Variants in SUN1 observed in about 807,000 individuals in gnomAD.
The protein encoded by SUN1 is SUN domain-containing protein 1.
In SUN1, 61 loss-of-function variants were observed where a neutral mutation model predicts 103.2. The ratio of observed to expected loss-of-function variants is 0.59; its 90% CI spans 0.48 to 0.73. The LOEUF is 0.73. Among genes scored for constraint, SUN1 ranks in the 30% least tolerant of loss-of-function variants. The pLI, the probability that SUN1 is intolerant of heterozygous loss-of-function variation, is 0.00. For missense variants in SUN1, 1,052 were observed against 1,034.6 expected (o/e 1.02, Z -0.23); for synonymous variants, 490 against 425.7 (o/e 1.15, Z -1.86).
chr7:839,142 G>A (rs1035056413), intron 2 of SUN1, 156 bp downstream of exon 2: 2 of 634,006 alleles, frequency 3.2e-6, no homozygotes. Flanking sequence ...ATATAAAGTG[G>A]TAGTTTGCTG....
intron 3 of SUN1, 152 bp from the exon 4 acceptor site, chr7:843,054 C>G: frequency 9.1e-7 from 1 of 1,102,014 alleles, no homozygotes; most frequent in South Asian, 1.4e-5. Flanking sequence ...CTGCATATAT[C>G]TGGAGGCATT....
intron 5 of SUN1, 23 bp downstream of exon 5, chr7:843,543 TC>T: frequency 6.2e-7 from 1 of 1,613,860 alleles, no homozygotes; most frequent in Non-Finnish European, 8.5e-7. Context: ...CCTTTAAAAC[TC>T]AGAAAAAGGT....
chr7:849,334 G>C (rs551186943), intron 5 of SUN1, among the ~76,000 whole-genome samples: 1 of 152,232 alleles, frequency 6.6e-6, no homozygotes, highest in Admixed American at 6.5e-5. Context: ...GCCCTTTCAC[G>C]TCTCTTCTCG....
At chr7:840,944 A>C (rs1488755381) in intron 2 of SUN1, among the ~76,000 whole-genome samples, 5 of 148,544 alleles carry the variant, frequency 3.4e-5, no homozygotes, top group African/African-American at 1.0e-4. Flanking sequence ...CCTGGCCCTT[A>C]TATTTTGAGA....
intron 1 of SUN1, among the ~76,000 whole-genome samples, chr7:825,952 A>G (rs1259915972): frequency 6.6e-6 from 1 of 152,136 alleles, no homozygotes; most frequent in Non-Finnish European, 1.5e-5. Context: ...GGACTTAAGA[A>G]ACAAACCGGG....
chr7:853,124 T>C (rs774548784), intron 9 of SUN1, 172 bp downstream of exon 9: 5 of 904,298 alleles, frequency 5.5e-6, no homozygotes, highest in Non-Finnish European at 8.1e-6. Context: ...ATAGTTCAAA[T>C]GCACATTTAA....
chr7:830,860 TGCTCG>T (rs1468053666), upstream of SUN1: 4 of 792,726 alleles, frequency 5.0e-6, no homozygotes, highest in Non-Finnish European at 6.1e-6. Flanking sequence ...TTTGGGTTGT[TGCTCG>T]GCAGTGCAGG....
chr7:849,385 A>T, intron 5 of SUN1: 1 of 560,982 alleles, frequency 1.8e-6, no homozygotes, highest in Non-Finnish European at 3.0e-6. Flanking sequence ...GTGTGGTAGG[A>T]GCCATCGGCT....
At chr7:839,144 A>T (rs1806480670) in intron 2 of SUN1, 158 bp downstream of exon 2, 1 of 626,072 alleles carries the variant, frequency 1.6e-6, no homozygotes, top group Non-Finnish European at 2.4e-6. Context: ...ATAAAGTGGT[A>T]GTTTGCTGCA....
upstream of SUN1, among the ~76,000 whole-genome samples, chr7:829,812 C>T (rs1796312453): frequency 6.6e-6 from 1 of 152,156 alleles, no homozygotes; most frequent in Non-Finnish European, 1.5e-5. Flanking sequence ...CCTCGGCCTC[C>T]CAAAGTGCTG....
chr7:865,683 T>C (rs1835908910), intron 15 of SUN1, among the ~76,000 whole-genome samples: 1 of 152,184 alleles, frequency 6.6e-6, no homozygotes, highest in Non-Finnish European at 1.5e-5. Flanking sequence ...CCATGGTGGT[T>C]GTACTAATTT....
chr7:843,592 C>T, intron 5 of SUN1, 72 bp downstream of exon 5: 1 of 1,612,870 alleles, frequency 6.2e-7, no homozygotes, highest in Non-Finnish European at 8.5e-7. Flanking sequence ...CTGTAAGTCT[C>T]AGTGTCTGCA....
At chr7:849,394 C>A in intron 5 of SUN1, 1 of 638,350 alleles carries the variant, frequency 1.6e-6, no homozygotes, top group Non-Finnish European at 2.5e-6. Flanking sequence ...GAGCCATCGG[C>A]TGTGGGAACT....
chr7:862,138 C>T lies in SUN1; in HGVS notation c.1864+674C>T, dbSNP rs7809668. 3.6e-3 allele frequency among the ~76,000 whole-genome samples: 548 copies of T among 152,338 alleles called. 3 individuals are homozygous for T. The highest frequency in any genetic ancestry group is 0.012 in the African/African-American group (494 of 41,572). ...TTCACGTCCGCTCAGGGAAGGTGTG[C>T]ACCACACCTGTTATGGAAATCAAAA... On this transcript the variant is annotated intron_variant, in intron 15 of 18. Coordinates refer to ENST00000401592, the MANE Select transcript of SUN1 (RefSeq NM_001130965.3).
chr7:864,502 C>T (rs1834722600), intron 15 of SUN1, among the ~76,000 whole-genome samples: 1 of 146,198 alleles, frequency 6.8e-6, no homozygotes, highest in Non-Finnish European at 1.5e-5. Context: ...TGTGTTGAGC[C>T]GAGATCGTAC....
intron 15 of SUN1, among the ~76,000 whole-genome samples, chr7:863,342 G>A (rs181986669): frequency 1.6e-3 from 241 of 150,908 alleles, no homozygotes; most frequent in African/African-American, 5.8e-3. Flanking sequence ...CTGGAGTGCC[G>A]CCCTCCCGAG....
At chr7:843,100 A>C (rs939896679) in intron 3 of SUN1, 106 bp from the exon 4 acceptor site, 1 of 1,512,574 alleles carries the variant, frequency 6.6e-7, no homozygotes, top group East Asian at 2.3e-5. Context: ...CATAATGCTG[A>C]TTTATTAACC....
upstream of SUN1, among the ~76,000 whole-genome samples, chr7:829,817 G>GGA (rs1214710842): frequency 6.6e-6 from 1 of 152,130 alleles, no homozygotes; most frequent in Admixed American, 6.5e-5. Flanking sequence ...GCCTCCCAAA[G>GGA]TGCTGGGATT....
At chr7:834,509 TC>T (rs1286172541) in intron 1 of SUN1, among the ~76,000 whole-genome samples, 3 of 152,196 alleles carry the variant, frequency 2.0e-5, no homozygotes, top group Non-Finnish European at 4.4e-5. Flanking sequence ...TGGGCTGGCC[TC>T]CCGCAGACCT....
Sources: gnomAD v4.1 joint callset for allele counts (sites outside exome capture counted in the v4.1 genomes callset) on GRCh38, gnomAD v4.1.1 for gene constraint, MANE v1.5 for transcripts, NCBI Gene and HGNC (gene_info 2026-07-23, HGNC 2026-07-21) for gene names.